GRIN2B: variants seen among roughly 807,000 people sequenced by gnomAD.
GRIN2B encodes glutamate receptor ionotropic, NMDA 2B.
Under a neutral mutation model 114.5 loss-of-function variants are expected in GRIN2B, and 5 were observed. The observed-to-expected ratio is 0.04, with a 90% confidence interval of 0.02 to 0.09. The LOEUF is 0.09. Among genes scored for constraint, GRIN2B ranks in the 10% least tolerant of loss-of-function variants. GRIN2B has a pLI of 1.00. For synonymous variants in GRIN2B, 787 were observed against 745.1 expected (o/e 1.06, Z -0.92); for missense variants, 1,108 against 1,943.5 (o/e 0.57, Z 8.08).
intron 10 of GRIN2B, among the ~76,000 whole-genome samples, chr12:13,606,146 C>T (rs1469330740): frequency 2.6e-5 from 4 of 152,208 alleles, no homozygotes; most frequent in Non-Finnish European, 4.4e-5. Context: ...TCTGCAACAT[C>T]CATGTTTTAG....
intron 12 of GRIN2B, among the ~76,000 whole-genome samples, chr12:13,568,262 T>C (rs748741553): frequency 6.6e-6 from 1 of 152,206 alleles, no homozygotes; most frequent in Non-Finnish European, 1.5e-5. Context: ...AGAAACCATG[T>C]GCCCTAGAAT....
chr12:13,756,110 C>T (rs113183450), intron 3 of GRIN2B, among the ~76,000 whole-genome samples: 15,055 of 152,190 alleles, frequency 0.099, 921 homozygotes, highest in Non-Finnish European at 0.14. Context: ...CTCCACCTCC[C>T]GGGTTCAAGC....
At chr12:13,694,810 C>T (rs1046502475) in intron 4 of GRIN2B, among the ~76,000 whole-genome samples, 2 of 150,916 alleles carry the variant, frequency 1.3e-5, no homozygotes, top group Admixed American at 1.3e-4. Flanking sequence ...AAGAATGTGT[C>T]TTCTGAGAAG....
At chr12:13,728,056 G>A (rs578260728) in intron 4 of GRIN2B, among the ~76,000 whole-genome samples, 1 of 152,286 alleles carries the variant, frequency 6.6e-6, no homozygotes, top group East Asian at 1.9e-4. Flanking sequence ...TCCATTGTTG[G>A]AGATTGTGGG....
At chr12:13,684,887 G>C (rs1285618423) in intron 4 of GRIN2B, among the ~76,000 whole-genome samples, 2 of 152,112 alleles carry the variant, frequency 1.3e-5, no homozygotes, top group African/African-American at 4.8e-5. Flanking sequence ...TAAGGTGAAG[G>C]CTTGTCTTTC....
chr12:13,931,031 A>T (rs1211472649), intron 2 of GRIN2B, among the ~76,000 whole-genome samples: 1 of 152,210 alleles, frequency 6.6e-6, no homozygotes, highest in Non-Finnish European at 1.5e-5. Context: ...TTTTCCTGGT[A>T]TGTTCTACGT....
At chr12:13,831,031 CTCAA>C (rs1865135305) in intron 3 of GRIN2B, among the ~76,000 whole-genome samples, 1 of 152,150 alleles carries the variant, frequency 6.6e-6, no homozygotes. Context: ...TGAGTGTGTT[CTCAA>C]TCTATTAGCT....
At chr12:13,742,376 C>G (rs1863302072) in intron 4 of GRIN2B, among the ~76,000 whole-genome samples, 2 of 152,204 alleles carry the variant, frequency 1.3e-5, no homozygotes, top group Non-Finnish European at 2.9e-5. Flanking sequence ...AAACAAATAT[C>G]TCAAAGTTGT....
At chr12:13,973,943 A>G (rs1034902753) in intron 2 of GRIN2B, among the ~76,000 whole-genome samples, 2 of 152,210 alleles carry the variant, frequency 1.3e-5, no homozygotes, top group Non-Finnish European at 2.9e-5. Context: ...GTGTCTCCCC[A>G]GCATCTCCAC....
chr12:13,703,037 G>T (rs574258244), intron 4 of GRIN2B, among the ~76,000 whole-genome samples: 88 of 152,270 alleles, frequency 5.8e-4, no homozygotes, highest in Non-Finnish European at 8.5e-4. Flanking sequence ...GAATGGACAC[G>T]TTAAAAAATT....
At chr12:13,790,162 C>T (rs1297445344) in intron 3 of GRIN2B, among the ~76,000 whole-genome samples, 1 of 152,236 alleles carries the variant, frequency 6.6e-6, no homozygotes. Context: ...ATCTGCCTAT[C>T]CATCACAGAC....
At chr12:13,837,741 G>A (rs1865301802) in intron 3 of GRIN2B, among the ~76,000 whole-genome samples, 1 of 152,108 alleles carries the variant, frequency 6.6e-6, no homozygotes, top group Non-Finnish European at 1.5e-5. Context: ...TTGGCGATCT[G>A]TTCAAAAGGC....
chr12:13,538,991 T>A lies in GRIN2B; in HGVS notation c.*23792A>T, dbSNP rs1948245377. 1 of 151,930 alleles carries A rather than the reference T, an allele frequency of 6.6e-6. No homozygotes were observed. Among genetic ancestry groups the A allele is most frequent in the African/African-American group, 2.4e-5 (1 of 41,356 alleles). 9.4% of individuals were successfully genotyped at this position (151,930 alleles called of 1,614,324 possible). ...AAGCAGTTCTGTTGTCCAAAAAAAA[T>A]TTGGGGTTTAAGGAAGTATCTCCAG... On this transcript the variant is annotated 3_prime_UTR_variant, in exon 14 of 14. Coordinates refer to ENST00000609686, the MANE Select transcript of GRIN2B (RefSeq NM_000834.5).
intron 4 of GRIN2B, among the ~76,000 whole-genome samples, chr12:13,708,644 T>C: frequency 6.8e-6 from 1 of 146,280 alleles, no homozygotes; most frequent in East Asian, 1.9e-4. Flanking sequence ...CTAAATACTT[T>C]ACATATATCA....
At chr12:13,715,062 C>T (rs55933834) in intron 4 of GRIN2B, among the ~76,000 whole-genome samples, 12,841 of 151,768 alleles carry the variant, frequency 0.085, 724 homozygotes, top group Non-Finnish European at 0.13. Context: ...TGGGTCTTAA[C>T]GGTGCTAAAC....
At position 13,562,664 on chromosome 12, in the gene GRIN2B, TAAAAC is replaced by T. The variant is rs1330895663; in HGVS notation, c.*114_*118del. 7 of 888,816 alleles carry T rather than the reference TAAAAC, an allele frequency of 7.9e-6. No homozygotes were observed. Among genetic ancestry groups the T allele is most frequent in the Admixed American group, 1.8e-5 (1 of 55,412 alleles). 55.1% of individuals were successfully genotyped at this position (888,816 alleles called of 1,614,324 possible). On this transcript the variant is annotated 3_prime_UTR_variant, in exon 14 of 14. Coordinates refer to ENST00000609686, the MANE Select transcript of GRIN2B (RefSeq NM_000834.5). Reference sequence around the variant, plus strand: ...GAACTCCAGGATCCCATAAATAAATTAAAACAAGAAAGGAGCAAATGGGAACCAAG... The same window carrying T: ...GAACTCCAGGATCCCATAAATAAATTAAGAAAGGAGCAAATGGGAACCAAG...
chr12:13,684,799 C>T (rs1158696796), intron 4 of GRIN2B, among the ~76,000 whole-genome samples: 2 of 152,108 alleles, frequency 1.3e-5, no homozygotes, highest in African/African-American at 2.4e-5. Context: ...GAGACCTTCC[C>T]AGAGAAAATA....
At chr12:13,843,672 A>G (rs4764036) in intron 3 of GRIN2B, among the ~76,000 whole-genome samples, 87,873 of 152,006 alleles carry the variant, frequency 0.58, 25,615 homozygotes, top group South Asian at 0.63. Flanking sequence ...CATTCTAAGA[A>G]TCATGTACAA....
chr12:13,573,616 T>A (rs1948735282), intron 10 of GRIN2B, among the ~76,000 whole-genome samples: 1 of 125,468 alleles, frequency 8.0e-6, no homozygotes, highest in Non-Finnish European at 1.8e-5. Context: ...GTGCTGTGCT[T>A]TGGCATCGGA....
Sources: gnomAD v4.1 joint callset for allele counts (sites outside exome capture counted in the v4.1 genomes callset) on GRCh38, gnomAD v4.1.1 for gene constraint, MANE v1.5 for transcripts, NCBI Gene and HGNC (gene_info 2026-07-23, HGNC 2026-07-21) for gene names.